Variants in SYNE2 observed in about 807,000 individuals in gnomAD.
SYNE2 encodes spectrin repeat containing nuclear envelope protein 2, also known as nesprin-2.
A neutral mutation model predicts 856.3 loss-of-function variants in SYNE2; 431 were observed. The observed-to-expected ratio is 0.50, with a 90% CI of 0.47 to 0.55. The LOEUF is 0.55. Among genes scored for constraint, SYNE2 ranks in the 20% least tolerant of loss-of-function variants. The pLI, the probability that SYNE2 is intolerant of heterozygous loss-of-function variation, is 0.00. For synonymous variants in SYNE2, 2,923 were observed against 2,872.3 expected (o/e 1.02, Z -0.56); for missense variants, 8,129 against 8,023.2 (o/e 1.01, Z -0.50).
intron 2 of SYNE2, among the ~76,000 whole-genome samples, chr14:63,939,972 A>C (rs4902258): frequency 0.48 from 73,143 of 151,358 alleles, 18,626 homozygotes; most frequent in South Asian, 0.58. Context: ...ATCTTTACTA[A>C]ACGGTTTGGG....
At chr14:64,214,061 C>A in intron 105 of SYNE2, 133 bp from the exon 106 acceptor site, 1 of 1,385,066 alleles carries the variant, frequency 7.2e-7, no homozygotes, top group South Asian at 1.3e-5. Flanking sequence ...GGAACCTGAT[C>A]TTTTTAAAGC....
intron 66 of SYNE2, among the ~76,000 whole-genome samples, chr14:64,113,917 A>T (rs2097833367): frequency 6.6e-6 from 1 of 152,202 alleles, no homozygotes. Flanking sequence ...GTGTCGCAGG[A>T]TTTAAATAAG....
At chr14:64,066,081 G>A (rs576148985) in intron 51 of SYNE2, among the ~76,000 whole-genome samples, 3 of 152,300 alleles carry the variant, frequency 2.0e-5, no homozygotes, top group South Asian at 4.1e-4. Flanking sequence ...AAAAATATAT[G>A]AGGTTATGAT....
chr14:64,167,518 A>G lies in SYNE2; in HGVS notation c.16784A>G (p.Asn5595Ser). Residue 5595 changes from asparagine (N) to serine (S), a missense_variant, in exon 92 of 116, where the codon AAT becomes AGT. Asn to Ser is a conservative substitution (Grantham distance 46). Transcript: ENST00000555002. Reference sequence around the variant, plus strand: ...AGTGAGCTTCAGGGAATTGGATTGAATGAAAAGTTTCTTTATTGCTGTGAA... The same window carrying G: ...AGTGAGCTTCAGGGAATTGGATTGAGTGAAAAGTTTCTTTATTGCTGTGAA... ...RCSELQGIGL[N>S]EKFLYCCEKW... 1 of 1,614,238 alleles carries G rather than the reference A, an allele frequency of 6.2e-7. No individual in the cohort carries two copies. Among genetic ancestry groups the G allele is most frequent in the Non-Finnish European group, 8.5e-7 (1 of 1,180,036 alleles).
At chr14:63,869,403 C>T (rs1896267894) in intron 1 of SYNE2, among the ~76,000 whole-genome samples, 2 of 152,102 alleles carry the variant, frequency 1.3e-5, no homozygotes, top group South Asian at 4.2e-4. Context: ...AGGTGGATCT[C>T]CTGAAGTCAG....
chr14:64,080,070 T>TGC (rs2097507630), intron 55 of SYNE2, among the ~76,000 whole-genome samples: 1 of 150,926 alleles, frequency 6.6e-6, no homozygotes, highest in Non-Finnish European at 1.5e-5. Flanking sequence ...TGTGTGCGCG[T>TGC]GCGTGTGTGT....
intron 1 of SYNE2, among the ~76,000 whole-genome samples, chr14:63,771,862 A>G (rs11846741): frequency 0.075 from 11,339 of 152,110 alleles, 437 homozygotes; most frequent in Admixed American, 0.11. Flanking sequence ...ACGTCACTGC[A>G]CTTCAGCCTG....
intron 7 of SYNE2, among the ~76,000 whole-genome samples, chr14:63,954,263 C>A (rs2096211030): frequency 6.6e-6 from 1 of 152,260 alleles, no homozygotes; most frequent in South Asian, 2.1e-4. Flanking sequence ...AAAAGGAAAT[C>A]ATTTCCTCTA....
chr14:64,035,682 A>G (rs1250429253), intron 45 of SYNE2, among the ~76,000 whole-genome samples: 2 of 151,976 alleles, frequency 1.3e-5, no homozygotes, highest in Non-Finnish European at 2.9e-5. Flanking sequence ...GAACTTAGGC[A>G]TCCTTTATTT....
chr14:63,763,153 A>G (rs1886552259), intron 1 of SYNE2, among the ~76,000 whole-genome samples: 1 of 152,000 alleles, frequency 6.6e-6, no homozygotes, highest in Non-Finnish European at 1.5e-5. Context: ...TTTTTAGTAG[A>G]GACAGGGTTT....
chr14:64,002,099 C>G lies in SYNE2; in HGVS notation c.3786+18C>G. On this transcript the variant is annotated intron_variant, in intron 29 of 115. Transcript: ENST00000555002. The stretch of plus-strand genomic sequence containing the variant: ...ACCTAAGGGTAAGTATATAAGTTCT[C>G]ACAGTGTATTTACAGAATAATCGAG... 2 of 1,579,070 alleles carry G rather than the reference C, an allele frequency of 1.3e-6. No individual in the cohort carries two copies. The highest frequency in any genetic ancestry group is 2.2e-5 in the East Asian group (1 of 44,694).
chr14:64,195,194 C>T (rs1262355686), intron 99 of SYNE2, among the ~76,000 whole-genome samples: 1 of 152,108 alleles, frequency 6.6e-6, no homozygotes, highest in African/African-American at 2.4e-5. Flanking sequence ...GGTTGGACAG[C>T]GAAGTGGAAA....
intron 1 of SYNE2, among the ~76,000 whole-genome samples, chr14:63,815,948 C>CTTTTTTTTTTTTTTTTTTT: frequency 7.8e-6 from 1 of 128,924 alleles, no homozygotes; most frequent in Non-Finnish European, 1.6e-5. Flanking sequence ...TTAAATTATT[C>CTTTTTTTTTTTTTTTTTTT]TTTTTTTTTT....
At chr14:63,975,777 GTAACCATCACA>G (rs1449829916) in intron 11 of SYNE2, among the ~76,000 whole-genome samples, 1 of 152,138 alleles carries the variant, frequency 6.6e-6, no homozygotes, top group Non-Finnish European at 1.5e-5. Context: ...TAAATGATGG[GTAACCATCACA>G]TGGTCCTTCT....
At chr14:64,085,013 T>A in intron 57 of SYNE2, 1 of 702,344 alleles carries the variant, frequency 1.4e-6, no homozygotes, top group Non-Finnish European at 2.6e-6. Flanking sequence ...GGCAGCTGGC[T>A]TCCCTCAGCA....
rs1435001029 is a variant in SYNE2, at chr14:63,786,241, C to G, written c.-305+24255C>G. ...CTCCAGTCTGGGCAACACAGCAAGA[C>G]TGTCTCAAAAAAAAAAAATAGCTGG... On this transcript the variant is annotated intron_variant, in intron 1 of 23. Transcript: ENST00000674003. Among the ~76,000 whole-genome samples, 3 of 113,772 alleles carry G rather than the reference C, an allele frequency of 2.6e-5. No individual in the cohort carries two copies. In the East Asian group the frequency reaches 7.0e-4, roughly 27 times the overall value. 74.6% of individuals were successfully genotyped at this position (113,772 alleles called of 152,430 possible).
chr14:63,919,972 G>GTTTTTTTTTTTTTTTTTTTTTTT lies in SYNE2; in HGVS notation c.79+10764_79+10765insTTTTTTTTTTTTTTTTTTTTTTT, dbSNP rs10673123. ...ATATCAGGCACATGATAAAAGGTAA[G>GTTTTTTTTTTTTTTTTTTTTTTT]TTTTTTTTTTTTTTTTTTTAAGGTA... On this transcript the variant is annotated intron_variant, in intron 2 of 115. Coordinates refer to ENST00000555002, the MANE Select transcript of SYNE2 (RefSeq NM_182914.3). Among the ~76,000 whole-genome samples the GTTTTTTTTTTTTTTTTTTTTTTT allele has an allele frequency of 1.4e-4, 16 of 110,592 alleles. 1 individual carries two copies. The highest frequency in any genetic ancestry group is 2.7e-4 in the Admixed American group (3 of 10,974). 72.6% of individuals were successfully genotyped at this position (110,592 alleles called of 152,430 possible).
chr14:64,190,527 T>C, intron 99 of SYNE2: 1 of 676,892 alleles, frequency 1.5e-6, no homozygotes, highest in Non-Finnish European at 2.7e-6. Flanking sequence ...GAGGGGGTAT[T>C]GTTTAGAAAT....
intron 32 of SYNE2, among the ~76,000 whole-genome samples, chr14:64,014,993 A>ATATATAAATATATATATGTGTATATATG (rs2096879745): frequency 7.1e-6 from 1 of 139,942 alleles, no homozygotes; most frequent in East Asian, 2.0e-4. Context: ...ACACACACAC[A>ATATATAAATATATATATGTGTATATATG]TATATAAATA....
Sources: allele counts gnomAD v4.1 joint callset (sites outside exome capture counted in the v4.1 genomes callset), GRCh38; gene constraint gnomAD v4.1.1; transcripts MANE v1.5; gene names NCBI Gene and HGNC (gene_info 2026-07-23, HGNC 2026-07-21).